MAML3: variants seen among roughly 807,000 people sequenced by gnomAD.
The protein encoded by MAML3 is mastermind like transcriptional coactivator 3.
A neutral mutation model predicts 101.9 loss-of-function variants in MAML3; 27 were observed. That is an observed-to-expected ratio of 0.27 (90% CI 0.20 to 0.37). MAML3 has a LOEUF of 0.37. Among genes scored for constraint, MAML3 ranks in the 10% least tolerant of loss-of-function variants. The probability of loss-of-function intolerance (pLI) is 1.00; values close to 1 mark genes in which losing one functional copy is unlikely to be tolerated. For missense variants in MAML3, 1,316 were observed against 1,444.9 expected (o/e 0.91, Z 1.45); for synonymous variants, 501 against 555.9 (o/e 0.90, Z 1.39).
chr4:140,103,851 A>G (rs1387773031), intron 1 of MAML3, among the ~76,000 whole-genome samples: 3 of 152,072 alleles, frequency 2.0e-5, no homozygotes, highest in Non-Finnish European at 4.4e-5. Context: ...ATGAGGTAAA[A>G]ATGCTGCATC....
intron 1 of MAML3, among the ~76,000 whole-genome samples, chr4:140,147,514 TG>T (rs960635608): frequency 6.6e-6 from 1 of 152,026 alleles, no homozygotes; most frequent in African/African-American, 2.4e-5. Context: ...TGGCAGCAGG[TG>T]GGGGGAAGGA....
intron 2 of MAML3, among the ~76,000 whole-genome samples, chr4:139,751,051 C>T (rs1291796127): frequency 2.0e-5 from 3 of 152,136 alleles, no homozygotes; most frequent in African/African-American, 7.2e-5. Flanking sequence ...GTCAGTCGTC[C>T]GTCTTCAGGG....
chr4:139,753,625 G>T (rs190560452), intron 2 of MAML3, among the ~76,000 whole-genome samples: 38 of 152,272 alleles, frequency 2.5e-4, no homozygotes, highest in African/African-American at 7.9e-4. Context: ...TAGGGCAACT[G>T]CAGATCTTTT....
chr4:140,065,430 G>A (rs1051718525), intron 1 of MAML3, among the ~76,000 whole-genome samples: 2 of 152,090 alleles, frequency 1.3e-5, no homozygotes, highest in African/African-American at 4.8e-5. Flanking sequence ...ATAAAACACA[G>A]CCCATTCTTT....
At chr4:140,004,012 T>C (rs1726393363) in intron 1 of MAML3, among the ~76,000 whole-genome samples, 1 of 152,192 alleles carries the variant, frequency 6.6e-6, no homozygotes, top group Non-Finnish European at 1.5e-5. Context: ...CTATAGGCAA[T>C]GGGAAGAAAA....
chr4:139,919,625 G>A (rs901208992), intron 1 of MAML3, among the ~76,000 whole-genome samples: 3 of 152,158 alleles, frequency 2.0e-5, no homozygotes, highest in Non-Finnish European at 2.9e-5. Context: ...TGAGGGAGGC[G>A]AACAGCACAT....
At chr4:140,007,912 T>C (rs896984450) in intron 1 of MAML3, among the ~76,000 whole-genome samples, 1 of 152,222 alleles carries the variant, frequency 6.6e-6, no homozygotes, top group East Asian at 1.9e-4. Context: ...AGTCATTTAT[T>C]TGGCTCTACT....
chr4:140,090,499 AGC>A (rs956751614), intron 1 of MAML3, among the ~76,000 whole-genome samples: 10 of 152,342 alleles, frequency 6.6e-5, no homozygotes, highest in African/African-American at 9.6e-5. Context: ...GTGCTACAGT[AGC>A]TCATTTAGTT....
chr4:140,045,086 T>C (rs1726080880), intron 1 of MAML3, among the ~76,000 whole-genome samples: 1 of 152,176 alleles, frequency 6.6e-6, no homozygotes, highest in Non-Finnish European at 1.5e-5. Context: ...CTTCCCAGTT[T>C]TAATGTATTT....
At chr4:139,800,182 C>T (rs1042467353) in intron 2 of MAML3, among the ~76,000 whole-genome samples, 3 of 151,956 alleles carry the variant, frequency 2.0e-5, no homozygotes, top group African/African-American at 4.8e-5. Context: ...GTGCATCAAC[C>T]GAAGTAAATA....
intron 2 of MAML3, among the ~76,000 whole-genome samples, chr4:139,882,376 A>G (rs1018314873): frequency 6.6e-6 from 1 of 152,130 alleles, no homozygotes; most frequent in Non-Finnish European, 1.5e-5. Flanking sequence ...AAGAGCTGCA[A>G]TAAGGTGTAT....
intron 1 of MAML3, among the ~76,000 whole-genome samples, chr4:140,061,888 G>A (rs1727452746): frequency 6.6e-6 from 1 of 152,166 alleles, no homozygotes; most frequent in African/African-American, 2.4e-5. Context: ...AACTATTTAT[G>A]AGAGCTACAT....
At chr4:140,077,671 C>T (rs1180006324) in intron 1 of MAML3, among the ~76,000 whole-genome samples, 1 of 152,104 alleles carries the variant, frequency 6.6e-6, no homozygotes, top group Non-Finnish European at 1.5e-5. Context: ...TAGAAGTAGG[C>T]TAGTATTATT....
rs569221473 is a variant in MAML3, at chr4:139,815,535, G to T, written c.2079+73822C>A. 6.6e-5 allele frequency among the ~76,000 whole-genome samples: 10 copies of T among 152,234 alleles called. No individual in the cohort carries two copies. In the South Asian group the frequency reaches 1.9e-3, roughly 28 times the overall value. On this transcript the variant is annotated intron_variant, in intron 2 of 4. Coordinates refer to ENST00000509479, the MANE Select transcript of MAML3 (RefSeq NM_018717.5). ...GATTACAGATAATAACTGGCAGAAAGGAATTCAAATCTGGGCTCCAAAAGC... is the reference window on the plus strand; with the variant it reads ...GATTACAGATAATAACTGGCAGAAATGAATTCAAATCTGGGCTCCAAAAGC...
intron 2 of MAML3, among the ~76,000 whole-genome samples, chr4:139,878,180 G>A (rs1327831139): frequency 6.6e-6 from 1 of 152,140 alleles, no homozygotes; most frequent in South Asian, 2.1e-4. Flanking sequence ...ATGCTTTGCC[G>A]CCAGCAGGAT....
chr4:139,923,579 T>C (rs955957493), intron 1 of MAML3, among the ~76,000 whole-genome samples: 1 of 152,020 alleles, frequency 6.6e-6, no homozygotes, highest in African/African-American at 2.4e-5. Context: ...CAAAGTGTTC[T>C]ACTTAAGTTT....
chr4:140,004,380 C>A (rs1726406602), intron 1 of MAML3, among the ~76,000 whole-genome samples: 1 of 152,118 alleles, frequency 6.6e-6, no homozygotes, highest in Admixed American at 6.5e-5. Flanking sequence ...GAACGTAATT[C>A]CCAGATCCAC....
chr4:140,110,332 C>G (rs1201946588), intron 1 of MAML3, among the ~76,000 whole-genome samples: 2 of 152,360 alleles, frequency 1.3e-5, no homozygotes, highest in Non-Finnish European at 2.9e-5. Flanking sequence ...ACGGTTCAGG[C>G]AAGTGGAAAG....
At chr4:139,958,971 T>C (rs1181563040) in intron 1 of MAML3, among the ~76,000 whole-genome samples, 1 of 152,194 alleles carries the variant, frequency 6.6e-6, no homozygotes, top group East Asian at 1.9e-4. Context: ...TGGCATACTT[T>C]TGTAAAATGG....
Sources: allele counts gnomAD v4.1 joint callset (sites outside exome capture counted in the v4.1 genomes callset), GRCh38; gene constraint gnomAD v4.1.1; transcripts MANE v1.5; gene names NCBI Gene and HGNC (gene_info 2026-07-23, HGNC 2026-07-21).